Variants in SPMIP11 observed in about 807,000 individuals in gnomAD.
SPMIP11 encodes the protein long intergenic non-protein coding RNA 935.
the SPMIP11 span, among the ~76,000 whole-genome samples, chr12:48,760,832 T>C: frequency 2.0e-5 from 3 of 152,368 alleles, no homozygotes; most frequent in African/African-American, 7.2e-5. Context: ...GGGCCCCTCA[T>C]TGGTTTAAAG....
At chr12:48,738,976 T>C in the SPMIP11 span, among the ~76,000 whole-genome samples, 1 of 152,046 alleles carries the variant, frequency 6.6e-6, no homozygotes, top group African/African-American at 2.4e-5. Context: ...ACATTTTACC[T>C]TGGTTATTAT....
At chr12:48,739,436 C>A in the SPMIP11 span, among the ~76,000 whole-genome samples, 2 of 152,164 alleles carry the variant, frequency 1.3e-5, no homozygotes, top group Admixed American at 1.3e-4. Context: ...TTAACTTAAT[C>A]ACCAGATTTT....
At chr12:48,748,075 A>G in the SPMIP11 span, among the ~76,000 whole-genome samples, 1 of 152,140 alleles carries the variant, frequency 6.6e-6, no homozygotes, top group Non-Finnish European at 1.5e-5. Flanking sequence ...GAATCTCTGA[A>G]GCCCCTCTCC....
At chr12:48,763,681 C>CTT in the SPMIP11 span, among the ~76,000 whole-genome samples, 12 of 137,454 alleles carry the variant, frequency 8.7e-5, no homozygotes, top group East Asian at 6.4e-4. Context: ...AGTAAAAGTA[C>CTT]TTTTTTTTTT....
the SPMIP11 span, among the ~76,000 whole-genome samples, chr12:48,741,069 C>CTTTTT: frequency 3.6e-5 from 4 of 112,510 alleles, no homozygotes; most frequent in Non-Finnish European, 5.5e-5. Flanking sequence ...ATGATATTGA[C>CTTTTT]TTTTTTTTTT....
the SPMIP11 span, among the ~76,000 whole-genome samples, chr12:48,738,602 T>C: frequency 1.3e-5 from 2 of 151,894 alleles, no homozygotes; most frequent in African/African-American, 4.8e-5. Flanking sequence ...TGGCGCGATC[T>C]TGGCTCACTG....
the SPMIP11 span, among the ~76,000 whole-genome samples, chr12:48,743,970 A>T: frequency 1.4e-5 from 2 of 144,884 alleles, no homozygotes; most frequent in Non-Finnish European, 3.0e-5. Context: ...AAAATTGGCC[A>T]GGCACGGTGG....
At chr12:48,743,203 G>GTTTTA in the SPMIP11 span, among the ~76,000 whole-genome samples, 1 of 151,176 alleles carries the variant, frequency 6.6e-6, no homozygotes, top group Admixed American at 6.6e-5. Flanking sequence ...GATCAGCATG[G>GTTTTA]CCAACATGGC....
chr12:48,754,875 T>TA, the SPMIP11 span, among the ~76,000 whole-genome samples: 7,839 of 152,056 alleles, frequency 0.052, 286 homozygotes, highest in Non-Finnish European at 0.079. Flanking sequence ...GCCTCCCGAG[T>TA]AGCTGGGACC....
At chr12:48,728,029 C>A in the SPMIP11 span, among the ~76,000 whole-genome samples, 1 of 144,782 alleles carries the variant, frequency 6.9e-6, no homozygotes, top group Admixed American at 7.1e-5. Flanking sequence ...CCAGCCTGGG[C>A]GACAGAGCGA....
At chr12:48,748,789 C>T in the SPMIP11 span, among the ~76,000 whole-genome samples, 1 of 152,128 alleles carries the variant, frequency 6.6e-6, no homozygotes, top group South Asian at 2.1e-4. Flanking sequence ...TATCACAAAC[C>T]ACATCTATCC....
the SPMIP11 span, among the ~76,000 whole-genome samples, chr12:48,734,094 A>T: frequency 1.3e-5 from 2 of 151,210 alleles, no homozygotes; most frequent in Admixed American, 6.6e-5. Flanking sequence ...ATATTTATTT[A>T]TCCATTTTGG....
the SPMIP11 span, among the ~76,000 whole-genome samples, chr12:48,760,809 G>A: frequency 5.9e-5 from 9 of 152,238 alleles, no homozygotes; most frequent in Non-Finnish European, 1.3e-4. Flanking sequence ...TTACAGGCGT[G>A]AGCCGCCACT....
At chr12:48,762,943 C>G in the SPMIP11 span, among the ~76,000 whole-genome samples, 4 of 151,706 alleles carry the variant, frequency 2.6e-5, no homozygotes, top group Admixed American at 6.6e-5. Context: ...TGCTATGTTG[C>G]CCAGGCTGGT....
the SPMIP11 span, chr12:48,764,915 T>A: frequency 1.4e-6 from 1 of 702,950 alleles, no homozygotes; most frequent in Non-Finnish European, 2.6e-6. Context: ...GGTGGTCCCA[T>A]GATCCAGGAG....
the SPMIP11 span, among the ~76,000 whole-genome samples, chr12:48,762,356 CTTTTTTTT>C: frequency 3.3e-5 from 2 of 61,232 alleles, no homozygotes; most frequent in African/African-American, 1.9e-4. Flanking sequence ...CCCCGCCCAG[CTTTTTTTT>C]TTTTTTTTTT....
the SPMIP11 span, chr12:48,765,723 C>T: frequency 1.4e-6 from 1 of 700,574 alleles, no homozygotes; most frequent in South Asian, 1.5e-5. Context: ...AAGGAGGTTT[C>T]CCAGTTCCGA....
the SPMIP11 span, among the ~76,000 whole-genome samples, chr12:48,730,164 G>A: frequency 3.9e-5 from 6 of 152,220 alleles, no homozygotes; most frequent in African/African-American, 1.4e-4. Flanking sequence ...AACAAGACTT[G>A]ATACTGATCC....
the SPMIP11 span, among the ~76,000 whole-genome samples, chr12:48,755,741 T>C: frequency 6.6e-6 from 1 of 152,152 alleles, no homozygotes; most frequent in Non-Finnish European, 1.5e-5. Flanking sequence ...ATCATCTGCC[T>C]GTACCCTTGA....
Sources: gnomAD v4.1 joint callset for allele counts (sites outside exome capture counted in the v4.1 genomes callset) on GRCh38, gnomAD v4.1.1 for gene constraint, MANE v1.5 for transcripts, NCBI Gene and HGNC (gene_info 2026-07-23, HGNC 2026-07-21) for gene names.